Variants in OPRM1 observed in about 807,000 individuals in gnomAD.
OPRM1 encodes opioid receptor mu 1, also known as mu-type opioid receptor.
In OPRM1, 27 loss-of-function variants were observed where a neutral mutation model predicts 31.8. That is an observed-to-expected ratio of 0.85 (90% CI 0.63 to 1.17). OPRM1 has a LOEUF of 1.17. Among genes scored for constraint, OPRM1 ranks in the 50% most tolerant of loss-of-function variants. The probability of loss-of-function intolerance (pLI) is 0.00; values close to 1 mark genes in which losing one functional copy is unlikely to be tolerated. For synonymous variants in OPRM1, 196 were observed against 189.9 expected (o/e 1.03, Z -0.26); for missense variants, 536 against 511.1 (o/e 1.05, Z -0.47).
chr6:154,090,649 A>G (rs1048650159), intron 2 of OPRM1, among the ~76,000 whole-genome samples: 3 of 152,232 alleles, frequency 2.0e-5, no homozygotes, highest in Non-Finnish European at 4.4e-5. Context: ...TACATTTTTT[A>G]TATCAATATA....
At chr6:154,016,727 A>G (rs1440419962) in intron 1 of OPRM1, among the ~76,000 whole-genome samples, 1 of 152,232 alleles carries the variant, frequency 6.6e-6, no homozygotes, top group Non-Finnish European at 1.5e-5. Context: ...GTTATTTTCT[A>G]AAGTTAGGAA....
At chr6:154,047,770 T>C (rs2128410375) in intron 1 of OPRM1, among the ~76,000 whole-genome samples, 1 of 152,342 alleles carries the variant, frequency 6.6e-6, no homozygotes, top group African/African-American at 2.4e-5. Context: ...ATGCACTGTA[T>C]GTAAGTAGGT....
intron 3 of OPRM1, among the ~76,000 whole-genome samples, chr6:154,245,326 T>C (rs1446630779): frequency 6.6e-6 from 1 of 152,018 alleles, no homozygotes; most frequent in Non-Finnish European, 1.5e-5. Flanking sequence ...AAAGAGGAGC[T>C]TTGTGCCACA....
intron 3 of OPRM1, among the ~76,000 whole-genome samples, chr6:154,167,023 T>G (rs1799493933): frequency 6.6e-6 from 1 of 152,224 alleles, no homozygotes; most frequent in Non-Finnish European, 1.5e-5. Flanking sequence ...ACTGACTAAC[T>G]GGGACGCCTA....
chr6:154,138,420 T>G (rs553585373), intron 3 of OPRM1, among the ~76,000 whole-genome samples: 1 of 152,296 alleles, frequency 6.6e-6, no homozygotes, highest in East Asian at 1.9e-4. Context: ...TATCAGCAAG[T>G]ATCTGGAGGT....
chr6:154,071,441 G>A (rs1360508507), intron 1 of OPRM1, among the ~76,000 whole-genome samples: 2 of 152,090 alleles, frequency 1.3e-5, no homozygotes, highest in Non-Finnish European at 1.5e-5. Flanking sequence ...CCCTCTAATT[G>A]CTGATTTTTG....
At chr6:154,077,384 CT>C (rs772267250) in intron 1 of OPRM1, among the ~76,000 whole-genome samples, 1 of 151,210 alleles carries the variant, frequency 6.6e-6, no homozygotes, top group Non-Finnish European at 1.5e-5. Flanking sequence ...TCCCAAAGTG[CT>C]GGGATTACAG....
At chr6:154,087,496 C>G (rs534637331) in intron 1 of OPRM1, 2 of 985,330 alleles carry the variant, frequency 2.0e-6, no homozygotes, top group African/African-American at 1.7e-5. Flanking sequence ...TTCTCTCTCA[C>G]GCTCTCAAAT....
At chr6:154,148,133 C>T (rs1459860876) in intron 3 of OPRM1, among the ~76,000 whole-genome samples, 1 of 152,174 alleles carries the variant, frequency 6.6e-6, no homozygotes, top group Non-Finnish European at 1.5e-5. Context: ...ATTATGTGCC[C>T]ACTGCCTCAC....
At chr6:154,173,615 T>C (rs1357365655) in intron 3 of OPRM1, among the ~76,000 whole-genome samples, 5 of 151,934 alleles carry the variant, frequency 3.3e-5, no homozygotes, top group Non-Finnish European at 2.9e-5. Context: ...GAAGACAAGA[T>C]TATAGAAAAA....
At chr6:154,244,385 C>T (rs1477758498) in intron 3 of OPRM1, among the ~76,000 whole-genome samples, 1 of 151,314 alleles carries the variant, frequency 6.6e-6, no homozygotes, top group Non-Finnish European at 1.5e-5. Flanking sequence ...GTTTTATAAC[C>T]ATTAGTTTGC....
chr6:154,105,184 CACA>C (rs1256648292), intron 3 of OPRM1, among the ~76,000 whole-genome samples: 1 of 152,176 alleles, frequency 6.6e-6, no homozygotes, highest in Non-Finnish European at 1.5e-5. Context: ...TAAGAATACT[CACA>C]ACTAGTTTCC....
At chr6:154,044,322 G>A (rs546722292) in intron 1 of OPRM1, among the ~76,000 whole-genome samples, 1 of 152,184 alleles carries the variant, frequency 6.6e-6, no homozygotes, top group African/African-American at 2.4e-5. Flanking sequence ...AAATGTTTTT[G>A]TATGTTCTCA....
intron 3 of OPRM1, chr6:154,199,627 T>G (rs2295678): frequency 1.3e-5 from 20 of 1,522,126 alleles, no homozygotes; most frequent in Non-Finnish European, 1.7e-5. Context: ...TACAAACAAA[T>G]ATTCACTCTC....
At chr6:154,224,831 G>T (rs1315533502) in intron 3 of OPRM1, among the ~76,000 whole-genome samples, 2 of 152,126 alleles carry the variant, frequency 1.3e-5, no homozygotes, top group Non-Finnish European at 2.9e-5. Flanking sequence ...TCATTCATAT[G>T]TATATTATAT....
At chr6:154,197,079 A>T (rs1015868883) in intron 3 of OPRM1, among the ~76,000 whole-genome samples, 5 of 152,214 alleles carry the variant, frequency 3.3e-5, no homozygotes, top group African/African-American at 1.2e-4. Flanking sequence ...ATGCATCCTG[A>T]GACTGGGACT....
intron 3 of OPRM1, among the ~76,000 whole-genome samples, chr6:154,225,010 T>A (rs966012942): frequency 3.3e-5 from 5 of 152,310 alleles, no homozygotes; most frequent in African/African-American, 1.2e-4. Context: ...AAAAACTATG[T>A]TAGGTCTCAT....
At chr6:154,060,567 C>T (rs77872457) in intron 1 of OPRM1, among the ~76,000 whole-genome samples, 36 of 152,214 alleles carry the variant, frequency 2.4e-4, no homozygotes, top group South Asian at 8.3e-4. Flanking sequence ...AAGGTATCTG[C>T]GGAGACTTCC....
intron 3 of OPRM1, among the ~76,000 whole-genome samples, chr6:154,224,430 G>A (rs1005331025): frequency 6.6e-6 from 1 of 152,258 alleles, no homozygotes; most frequent in African/African-American, 2.4e-5. Context: ...ACTCAAGGCT[G>A]GGTGCAGTGG....
Sources: gnomAD v4.1 joint callset for allele counts (sites outside exome capture counted in the v4.1 genomes callset) on GRCh38, gnomAD v4.1.1 for gene constraint, MANE v1.5 for transcripts, NCBI Gene and HGNC (gene_info 2026-07-23, HGNC 2026-07-21) for gene names.